The following CXCR2 variants were observed in gnomAD, a reference collection of about 807,000 sequenced individuals.
CXCR2 encodes the protein C-X-C motif chemokine receptor 2.
CXCR2 carries 2 observed loss-of-function variants against 3.7 expected under a neutral mutation model. The observed-to-expected ratio is 0.55, with a 90% confidence interval of 0.22 to 1.72. The LOEUF (loss-of-function observed/expected upper bound fraction) is 1.72, where lower values mean the gene tolerates loss of function less well. Among genes scored for constraint, CXCR2 ranks in the 40% most tolerant of loss-of-function variants. CXCR2 has a pLI of 0.19. For synonymous variants in CXCR2, 203 were observed against 193.3 expected (o/e 1.05, Z -0.41); for missense variants, 351 against 450.1 (o/e 0.78, Z 1.99).
In CXCR2 at chr2:218,126,167, G is replaced by A. The variant is rs1436444117; in HGVS notation, c.-264G>A. 1 of 152,312 alleles carries A rather than the reference G, an allele frequency of 6.6e-6. No homozygotes were observed. Among genetic ancestry groups the A allele is most frequent in the Non-Finnish European group, 1.5e-5 (1 of 68,058 alleles). 9.4% of individuals were successfully genotyped at this position (152,312 alleles called of 1,614,324 possible). On this transcript the variant is annotated 5_prime_UTR_variant, in exon 1 of 3. Coordinates refer to ENST00000318507, the MANE Select transcript of CXCR2 (RefSeq NM_001557.4). ...CACCTGTCCTGGGCCAAAGTCCCAGGACAGACCTCATTGTTCCTCTGTGGG... is the reference window on the plus strand; with the variant it reads ...CACCTGTCCTGGGCCAAAGTCCCAGAACAGACCTCATTGTTCCTCTGTGGG...
At position 218,134,793 on chromosome 2, in the gene CXCR2, A is replaced by G. The variant is rs778856978; in HGVS notation, c.-9A>G. ...CTTCTATAGGTCAGGATTTAAGTTT[A>G]CCTCAAAAATGGAAGATTTTAACAT... On this transcript the variant is annotated 5_prime_UTR_variant, in exon 3 of 3. Transcript: ENST00000318507. The G allele has an allele frequency of 4.3e-6, 7 of 1,609,556 alleles. No individual in the cohort carries two copies. In the Admixed American group the frequency reaches 1.2e-4, roughly 27 times the overall value.
intron 1 of CXCR2, among the ~76,000 whole-genome samples, chr2:218,127,035 C>G (rs1690527375): frequency 6.6e-6 from 1 of 151,962 alleles, no homozygotes; most frequent in Non-Finnish European, 1.5e-5. Flanking sequence ...GCATGCTGAA[C>G]AGAATAGAAT....
At chr2:218,130,758 C>G (rs1228231516) in intron 2 of CXCR2, 2 of 152,264 alleles carry the variant, frequency 1.3e-5, no homozygotes, top group Admixed American at 1.3e-4. Flanking sequence ...CTCTAACTGC[C>G]AAGTCATCCT....
chr2:218,129,004 C>G (rs777232243), intron 1 of CXCR2, among the ~76,000 whole-genome samples: 3 of 152,186 alleles, frequency 2.0e-5, no homozygotes, highest in Non-Finnish European at 4.4e-5. Context: ...GCTGAAGGAG[C>G]CAGCGGCTCT....
rs201979852 is a variant in CXCR2, at chr2:218,135,488, C to T, written c.687C>T (p.Phe229=). 1 of 1,614,104 alleles carries T rather than the reference C, an allele frequency of 6.2e-7. No homozygotes were observed. Among genetic ancestry groups the T allele is most frequent in the Non-Finnish European group, 8.5e-7 (1 of 1,180,038 alleles). ...GFIVPLLIML[F]CYGFTLRTLF... ...TCGTGCCACTGCTGATCATGCTGTT[C>T]TGCTACGGATTCACCCTGCGTACGC... Residue 229 remains phenylalanine, a synonymous_variant, in exon 3 of 3, where the codon TTC becomes TTT. Transcript: ENST00000318507. The surrounding 1 kb of genome is among the most constrained non-coding windows in gnomAD (Gnocchi z 4.0).
At chr2:218,127,909 C>G (rs1690546395) in intron 1 of CXCR2, among the ~76,000 whole-genome samples, 1 of 152,210 alleles carries the variant, frequency 6.6e-6, no homozygotes, top group Non-Finnish European at 1.5e-5. Flanking sequence ...TCATCAAAGT[C>G]AGCCTTGAAA....
chr2:218,129,240 C>T (rs927989947), intron 1 of CXCR2, 74 bp from the exon 2 acceptor site: 9 of 152,388 alleles, frequency 5.9e-5, no homozygotes, highest in Admixed American at 5.9e-4. Flanking sequence ...AGCTCCACCC[C>T]TGAATTGCAT....
intron 2 of CXCR2, among the ~76,000 whole-genome samples, chr2:218,131,227 T>C (rs1690637805): frequency 6.6e-6 from 1 of 152,154 alleles, no homozygotes. Context: ...AATCATCTGC[T>C]CCCAGAAGTG....
rs200594925 is a variant in CXCR2 at position 218,136,779 on chromosome 2, A to T, written c.*895A>T. 1 of 167,124 alleles carries T rather than the reference A, an allele frequency of 6.0e-6. No individual in the cohort carries two copies. The highest frequency in any genetic ancestry group is 2.4e-5 in the African/African-American group (1 of 41,470). The allele number at this position is 167,124 out of a possible 1,614,324, so 10.4% of individuals were successfully genotyped here. A position where few individuals can be genotyped will look rare whatever the true frequency, so the allele number is the denominator to read the frequency against. On this transcript the variant is annotated 3_prime_UTR_variant, in exon 3 of 3. Coordinates refer to ENST00000318507, the MANE Select transcript of CXCR2 (RefSeq NM_001557.4). ...TGAAAGAGGAATGAAGTACTCATAC[A>T]TGTTACAACACGGACGAACCTTGAA...
At chr2:218,128,629 G>T (rs185534335) in intron 1 of CXCR2, among the ~76,000 whole-genome samples, 102 of 152,294 alleles carry the variant, frequency 6.7e-4, no homozygotes, top group Middle Eastern at 3.4e-3. Flanking sequence ...TTTACCAAAA[G>T]GCTTTCTTTC....
chr2:218,128,576 A>G (rs1415425921), intron 1 of CXCR2, among the ~76,000 whole-genome samples: 1 of 152,202 alleles, frequency 6.6e-6, no homozygotes, highest in Non-Finnish European at 1.5e-5. Context: ...GTCACTTAAC[A>G]TTGTTTTTAA....
At chr2:218,128,639 C>G (rs1213764133) in intron 1 of CXCR2, among the ~76,000 whole-genome samples, 1 of 152,144 alleles carries the variant, frequency 6.6e-6, no homozygotes, top group Non-Finnish European at 1.5e-5. Context: ...GGCTTTCTTT[C>G]CAAATTAGAG....
In CXCR2 at chr2:218,135,479, C is replaced by T. The variant is rs751109942; in HGVS notation, c.678C>T (p.Ile226=). The T allele has an allele frequency of 3.1e-6, 5 of 1,614,218 alleles. No individual in the cohort carries two copies. Among genetic ancestry groups the T allele is most frequent in the Middle Eastern group, 1.6e-4 (1 of 6,062 alleles). ...QSFGFIVPLL[I]MLFCYGFTLR... ...TTGGCTTCATCGTGCCACTGCTGAT[C>T]ATGCTGTTCTGCTACGGATTCACCC... is the stretch of plus-strand genomic sequence containing the variant. The change falls in exon 3 of 3, where the codon ATC becomes ATT. Residue 226 remains isoleucine, a synonymous_variant. Transcript: ENST00000318507. This position sits in a 1 kb window ranked among gnomAD's most constrained non-coding sequence, Gnocchi z 4.0.
intron 2 of CXCR2, among the ~76,000 whole-genome samples, chr2:218,130,659 G>C (rs918235342): frequency 6.6e-6 from 1 of 152,120 alleles, no homozygotes; most frequent in African/African-American, 2.4e-5. Context: ...GGGCCTAATT[G>C]TATCTATTTG....
intron 1 of CXCR2, among the ~76,000 whole-genome samples, chr2:218,127,219 C>T (rs749446699): frequency 1.3e-5 from 2 of 152,188 alleles, no homozygotes; most frequent in South Asian, 2.1e-4. Flanking sequence ...TTCTGCCTCC[C>T]GAGTTCAAGC....
At chr2:218,129,557 C>T (rs1022887102) in intron 2 of CXCR2, among the ~76,000 whole-genome samples, 192 bp downstream of exon 2, 4 of 152,148 alleles carry the variant, frequency 2.6e-5, no homozygotes, top group African/African-American at 9.7e-5. Flanking sequence ...TGTTCCTCCT[C>T]CCTCACAACC....
intron 2 of CXCR2, among the ~76,000 whole-genome samples, chr2:218,132,673 A>G (rs79462962): frequency 7.4e-4 from 113 of 152,314 alleles, no homozygotes; most frequent in African/African-American, 2.6e-3. Context: ...ATATATAAAC[A>G]TAGGAAAAGA....
chr2:218,135,025 A>T lies in CXCR2; in HGVS notation c.224A>T (p.Tyr75Phe), dbSNP rs1690748478. ...TCCCTCGTGATGCTGGTCATCTTAT[A>T]CAGCAGGGTCGGCCGCTCCGTCACT... The part of the protein sequence containing the change: ...GNSLVMLVIL[Y>F]SRVGRSVTDV... Residue 75 changes from tyrosine to phenylalanine, a missense_variant, in exon 3 of 3, where the codon TAC becomes TTC. Transcript: ENST00000318507. The surrounding 1 kb of genome is among the most constrained non-coding windows in gnomAD (Gnocchi z 4.0). 1 of 1,614,186 alleles carries T rather than the reference A, an allele frequency of 6.2e-7. No homozygotes were observed. The highest frequency in any genetic ancestry group is 1.3e-5 in the African/African-American group (1 of 75,042).
At position 218,137,238 on chromosome 2, in the gene CXCR2, T is replaced by C. The variant is rs561022272; in HGVS notation, c.*1354T>C. The C allele has an allele frequency of 6.0e-6, 1 of 167,290 alleles. No homozygotes were observed. Among genetic ancestry groups the C allele is most frequent in the East Asian group, 1.9e-4 (1 of 5,336 alleles). The allele number at this position is 167,290 out of a possible 1,614,324, so 10.4% of individuals were successfully genotyped here. On this transcript the variant is annotated 3_prime_UTR_variant, in exon 3 of 3. Coordinates refer to ENST00000318507, the MANE Select transcript of CXCR2 (RefSeq NM_001557.4). ...TATCTTTTTTTTAATAAACCATTTT[T>C]ACTTGGGTGTTTATATTACTGCTTC...
Sources: gnomAD v4.1 joint callset for allele counts (sites outside exome capture counted in the v4.1 genomes callset) on GRCh38, gnomAD v4.1.1 for gene constraint, Gnocchi (gnomAD v3.1) non-coding constraint, MANE v1.5 for transcripts, NCBI Gene and HGNC (gene_info 2026-07-23, HGNC 2026-07-21) for gene names.